Variants in TMEM143 observed in about 807,000 individuals in gnomAD.
The protein encoded by TMEM143 is transmembrane protein 143.
A neutral mutation model predicts 40.3 loss-of-function variants in TMEM143; 45 were observed. The observed-to-expected ratio is 1.12, with a 90% CI of 0.88 to 1.43. The LOEUF (loss-of-function observed/expected upper bound fraction) is 1.43. TMEM143 is among the 40% of genes most tolerant of loss of function. The pLI is 0.00. For synonymous variants in TMEM143, 299 were observed against 282.7 expected (o/e 1.06, Z -0.58); for missense variants, 620 against 613.4 (o/e 1.01, Z -0.11).
intron 6 of TMEM143, among the ~76,000 whole-genome samples, chr19:48,341,943 G>A (rs1044704974): frequency 4.6e-5 from 7 of 151,716 alleles, no homozygotes; most frequent in Non-Finnish European, 7.4e-5. Context: ...GGCAGATCTC[G>A]CTATCATCCC....
rs1432805134 is a variant in TMEM143 at position 48,332,477 on chromosome 19, G to A, written c.*742C>T. ...CAGACCGAGGTAGTTTCTGTAGAAA[G>A]GGTGAAAGACCTGGGCGAGGAAGGC... On this transcript the variant is annotated 3_prime_UTR_variant, in exon 8 of 8. Coordinates refer to ENST00000293261, the MANE Select transcript of TMEM143 (RefSeq NM_018273.4). 1 of 152,136 alleles carries A rather than the reference G, an allele frequency of 6.6e-6. No homozygotes were observed. Among genetic ancestry groups the A allele is most frequent in the Non-Finnish European group, 1.5e-5 (1 of 68,026 alleles). 9.4% of individuals were successfully genotyped at this position (152,136 alleles called of 1,614,324 possible).
In TMEM143 at chr19:48,333,223, G is replaced by T; in HGVS notation, c.1376C>A (p.Ser459Tyr). The change falls in exon 8 of 8, where the codon TCC (serine) becomes TAC (tyrosine). Residue 459 changes from serine (S) to tyrosine (Y), a missense_variant. Coordinates refer to ENST00000293261, the MANE Select transcript of TMEM143 (RefSeq NM_018273.4). The surrounding 1 kb of genome is among the most constrained non-coding windows in gnomAD (Gnocchi z 4.1). ...GGGCAGGGAGGTAGGTTCTACTCAGGAGATGTTACTGCTGGGCGTGGCTTG... is the reference window on the plus strand; with the variant it reads ...GGGCAGGGAGGTAGGTTCTACTCAGTAGATGTTACTGCTGGGCGTGGCTTG... ...PPQATPSSNI[S>Y] The T allele has an allele frequency of 6.7e-7, 1 of 1,484,136 alleles. No homozygotes were observed. Among genetic ancestry groups the T allele is most frequent in the Non-Finnish European group, 9.1e-7 (1 of 1,103,758 alleles). The allele number at this position is 1,484,136 out of a possible 1,614,324, so 91.9% of individuals were successfully genotyped here.
intron 6 of TMEM143, among the ~76,000 whole-genome samples, chr19:48,339,317 C>G (rs1269218147): frequency 6.6e-6 from 1 of 152,126 alleles, no homozygotes; most frequent in Non-Finnish European, 1.5e-5. Context: ...AGTGAGGGCC[C>G]CAGCCGGGAG....
chr19:48,341,834 C>A (rs979340862), intron 6 of TMEM143, among the ~76,000 whole-genome samples: 1 of 152,000 alleles, frequency 6.6e-6, no homozygotes, highest in African/African-American at 2.4e-5. Context: ...AGCCGGCACT[C>A]AGTGAGCGGC....
At chr19:48,355,802 C>T (rs1969877029) in intron 3 of TMEM143, among the ~76,000 whole-genome samples, 1 of 152,184 alleles carries the variant, frequency 6.6e-6, no homozygotes, top group Non-Finnish European at 1.5e-5. Context: ...TCTTGGTTTA[C>T]CTGGGGCCTG....
chr19:48,363,559 A>G, intron 1 of TMEM143, 28 bp from the exon 2 acceptor site: 1 of 1,575,042 alleles, frequency 6.3e-7, no homozygotes, highest in Non-Finnish European at 8.6e-7. Context: ...GGCAGGGGTC[A>G]AAGGCCATCT....
At chr19:48,350,558 G>A (rs1969743871) in intron 3 of TMEM143, among the ~76,000 whole-genome samples, 3 of 152,046 alleles carry the variant, frequency 2.0e-5, no homozygotes, top group South Asian at 4.1e-4. Flanking sequence ...CACGATGCAG[G>A]CCCAGTTTCA....
chr19:48,360,314 C>G (rs769765965), intron 2 of TMEM143, 138 bp from the exon 3 acceptor site: 3 of 816,168 alleles, frequency 3.7e-6, no homozygotes, highest in Non-Finnish European at 5.9e-6. Context: ...CGCAGTGTCT[C>G]GCACCTGTAA....
chr19:48,358,277 G>A (rs370538353), intron 3 of TMEM143, among the ~76,000 whole-genome samples: 1 of 151,598 alleles, frequency 6.6e-6, no homozygotes, highest in Non-Finnish European at 1.5e-5. Flanking sequence ...CTGGCTATTC[G>A]GGGGACTGAG....
Position 48,342,700 on chromosome 19 carries a change from G to T in TMEM143, c.805C>A (p.Leu269Met). 1 of 1,614,162 alleles carries T rather than the reference G, an allele frequency of 6.2e-7. No homozygotes were observed. Among genetic ancestry groups the T allele is most frequent in the Non-Finnish European group, 8.5e-7 (1 of 1,180,022 alleles). The change falls in exon 6 of 8, where the codon CTG becomes ATG. Residue 269 changes from leucine (L) to methionine (M), a missense_variant. Leu to Met is a conservative substitution (Grantham distance 15). Coordinates refer to ENST00000293261, the MANE Select transcript of TMEM143 (RefSeq NM_018273.4). ...TGCAGGGTGGGCGTGCGCACCTTCA[G>T]CTCCGGCAGCAGCTGCTCCAGGCCT... Reference protein sequence around the residue: ...LEGLEQLLPELKVRTPTLQRA... With the variant: ...LEGLEQLLPEMKVRTPTLQRA...
At chr19:48,336,309 G>A (rs1332183169) in intron 6 of TMEM143, among the ~76,000 whole-genome samples, 3 of 151,740 alleles carry the variant, frequency 2.0e-5, no homozygotes, top group Non-Finnish European at 4.4e-5. Flanking sequence ...CTTGAGGTCA[G>A]GAGTTCGAAA....
At chr19:48,341,945 TATC>T (rs1183997265) in intron 6 of TMEM143, among the ~76,000 whole-genome samples, 1 of 151,734 alleles carries the variant, frequency 6.6e-6, no homozygotes, top group Non-Finnish European at 1.5e-5. Context: ...CAGATCTCGC[TATC>T]ATCCCCATTT....
Position 48,345,445 on chromosome 19 carries a change from CATTT to C in TMEM143, c.370-95_370-92del, listed in dbSNP as rs146325765. Reference sequence around the variant, plus strand: ...AAGGACATCCCTCTCCAGATACTTTCATTTATTTATTTATTTATTTATTTATTTT... The same window carrying C: ...AAGGACATCCCTCTCCAGATACTTTCATTTATTTATTTATTTATTTATTTT... On this transcript the variant is annotated intron_variant, in intron 3 of 7. Transcript: ENST00000293261. 6.1e-3 allele frequency: 3,898 copies of C among 641,968 alleles called. 109 individuals are homozygous for C. The African/African-American group carries it at 0.067, about 11-fold the overall frequency. 39.8% of individuals were successfully genotyped at this position (641,968 alleles called of 1,614,324 possible).
intron 6 of TMEM143, among the ~76,000 whole-genome samples, chr19:48,342,095 G>T (rs996494684): frequency 7.2e-6 from 1 of 138,702 alleles, no homozygotes; most frequent in Non-Finnish European, 1.6e-5. Context: ...GAAAGGGAAG[G>T]GGGGAGGAAG....
chr19:48,339,790 G>C (rs916340918), intron 6 of TMEM143, among the ~76,000 whole-genome samples: 6 of 152,224 alleles, frequency 3.9e-5, no homozygotes, highest in South Asian at 2.1e-4. Flanking sequence ...ATGCAGTGGC[G>C]CAATCTCAGC....
intron 3 of TMEM143, among the ~76,000 whole-genome samples, chr19:48,359,624 A>C (rs1969990846): frequency 6.7e-6 from 1 of 150,356 alleles, no homozygotes; most frequent in Non-Finnish European, 1.5e-5. Flanking sequence ...CTCCTGCCTC[A>C]GCCTCCCGAG....
chr19:48,363,330 A>T lies in TMEM143; in HGVS notation c.225T>A (p.Ile75=). 1 of 1,614,126 alleles carries T rather than the reference A, an allele frequency of 6.2e-7. No individual in the cohort carries two copies. The highest frequency in any genetic ancestry group is 8.5e-7 in the Non-Finnish European group (1 of 1,180,006). ...DWAQQYRERF[I]PFSKEQLLRL... ...GGAGCAGCTGCTCCTTGGAGAAGGG[A>T]ATGAAGCGCTCGCGGTACTGCTGGG... Residue 75 remains isoleucine, a synonymous_variant, in exon 2 of 8, where the codon ATT becomes ATA. Transcript: ENST00000293261.
chr19:48,346,016 A>G (rs563500435), intron 3 of TMEM143, among the ~76,000 whole-genome samples: 9 of 151,672 alleles, frequency 5.9e-5, no homozygotes, highest in African/African-American at 2.2e-4. Flanking sequence ...AACTCCTGAC[A>G]TGTGATCTAC....
intron 3 of TMEM143, among the ~76,000 whole-genome samples, chr19:48,350,029 C>T (rs1320764552): frequency 4.3e-5 from 5 of 115,996 alleles, no homozygotes; most frequent in African/African-American, 1.6e-4. Flanking sequence ...GAGACAGAGT[C>T]TCACTCTGTC....
Sources: gnomAD v4.1 joint callset for allele counts (sites outside exome capture counted in the v4.1 genomes callset) on GRCh38, gnomAD v4.1.1 for gene constraint, Gnocchi (gnomAD v3.1) non-coding constraint, MANE v1.5 for transcripts, NCBI Gene and HGNC (gene_info 2026-07-23, HGNC 2026-07-21) for gene names.